MYO18B: variants seen among roughly 807,000 people sequenced by gnomAD.
MYO18B encodes myosin XVIIIB, also known as unconventional myosin-XVIIIb.
In MYO18B, 204 loss-of-function variants were observed where a neutral mutation model predicts 273.0. That is an observed-to-expected ratio of 0.75 (90% CI 0.67 to 0.84). The LOEUF (loss-of-function observed/expected upper bound fraction) is 0.84, where lower values mean the gene tolerates loss of function less well. Among genes scored for constraint, MYO18B ranks in the 40% least tolerant of loss-of-function variants. The pLI, the probability that MYO18B is intolerant of heterozygous loss-of-function variation, is 0.00. For missense variants in MYO18B, 3,212 were observed against 3,287.6 expected (o/e 0.98, Z 0.56); for synonymous variants, 1,330 against 1,305.7 (o/e 1.02, Z -0.40).
At chr22:25,855,935 A>G (rs1162234342) in intron 21 of MYO18B, among the ~76,000 whole-genome samples, 1 of 151,780 alleles carries the variant, frequency 6.6e-6, no homozygotes, top group East Asian at 1.9e-4. Context: ...TAAGTTCATC[A>G]CCCAGGTAAT....
the MYO18B span, among the ~76,000 whole-genome samples, chr22:26,039,108 T>G: frequency 6.6e-6 from 1 of 151,008 alleles, no homozygotes; most frequent in African/African-American, 2.5e-5. Context: ...CTTTTCCATC[T>G]TCTCCTGCCT....
intron 39 of MYO18B, among the ~76,000 whole-genome samples, chr22:25,957,980 T>C (rs1165679075): frequency 1.4e-5 from 2 of 142,800 alleles, no homozygotes; most frequent in Non-Finnish European, 3.0e-5. Context: ...AGTGGCACAA[T>C]CTCAGCTCAC....
At chr22:25,765,302 T>G (rs1363904398) in intron 3 of MYO18B, among the ~76,000 whole-genome samples, 1 of 152,230 alleles carries the variant, frequency 6.6e-6, no homozygotes, top group African/African-American at 2.4e-5. Flanking sequence ...AATTTAATTT[T>G]CTTGTCCCAA....
Position 26,026,383 on chromosome 22 carries a change from C to T in MYO18B, c.6471-62C>T, listed in dbSNP as rs1936240332. On this transcript the variant is annotated intron_variant, in intron 42 of 43. Transcript: ENST00000335473. ...TGCCTGTGCTTAGGGGCTCTCACAC[C>T]GATTGCACAAATTGTATGAATTGCA... is the stretch of plus-strand genomic sequence containing the variant. 11 of 1,535,586 alleles carry T rather than the reference C, an allele frequency of 7.2e-6. No individual in the cohort carries two copies. In the East Asian group the frequency reaches 1.4e-4, roughly 19 times the overall value.
the MYO18B span, among the ~76,000 whole-genome samples, chr22:26,058,663 T>G: frequency 6.6e-6 from 1 of 152,182 alleles, no homozygotes; most frequent in Non-Finnish European, 1.5e-5. Context: ...CATTACTTCC[T>G]GCAAGCGCTG....
Position 25,823,433 on chromosome 22 carries a change from G to T in MYO18B, c.2522-72G>T, listed in dbSNP as rs150439447. 1.1e-3 allele frequency: 1,590 copies of T among 1,484,532 alleles called. 28 individuals are homozygous for T. In the East Asian group the frequency reaches 0.03, roughly 28 times the overall value. The allele number at this position is 1,484,532 out of a possible 1,614,324, so 92.0% of individuals were successfully genotyped here. Reference sequence around the variant, plus strand: ...TTGGGAGGGTGCTGAGATTCTCCGAGGTCCTCTCGGGTGTTCATTCACCCC... The same window carrying T: ...TTGGGAGGGTGCTGAGATTCTCCGATGTCCTCTCGGGTGTTCATTCACCCC... On this transcript the variant is annotated intron_variant, in intron 12 of 43. Transcript: ENST00000335473.
chr22:25,962,406 T>C (rs1483950999), intron 39 of MYO18B, among the ~76,000 whole-genome samples: 2 of 152,366 alleles, frequency 1.3e-5, no homozygotes, highest in African/African-American at 4.8e-5. Context: ...ATAGGGTAGA[T>C]GCTCAGTAAT....
chr22:25,908,491 C>T, intron 32 of MYO18B, 59 bp downstream of exon 32: 2 of 1,418,142 alleles, frequency 1.4e-6, no homozygotes, highest in African/African-American at 1.4e-5. Flanking sequence ...GCATGGATTC[C>T]CTCTTCCTTA....
intron 42 of MYO18B, among the ~76,000 whole-genome samples, chr22:26,017,539 A>C (rs1005103434): frequency 1.3e-5 from 2 of 152,204 alleles, no homozygotes; most frequent in African/African-American, 4.8e-5. Context: ...TAACAAATCC[A>C]TAACATTATC....
At chr22:25,972,361 A>G (rs2093044650) in intron 39 of MYO18B, among the ~76,000 whole-genome samples, 1 of 152,116 alleles carries the variant, frequency 6.6e-6, no homozygotes, top group Non-Finnish European at 1.5e-5. Context: ...ACTTGTTATT[A>G]TTACTTATAT....
chr22:25,952,307 A>G lies in MYO18B; in HGVS notation c.5854A>G (p.Ile1952Val), dbSNP rs202126120. Reference protein sequence around the residue: ...QEQLQVAQMRIEYLEQSTVDR... With the variant: ...QEQLQVAQMRVEYLEQSTVDR... ...ACAGCTGCAGGTGGCTCAGATGCGCATCGAGTACCTGGAACAGTCCACCGT... is the reference window on the plus strand; with the variant it reads ...ACAGCTGCAGGTGGCTCAGATGCGCGTCGAGTACCTGGAACAGTCCACCGT... The change falls in exon 38 of 44, where the codon ATC (isoleucine) becomes GTC (valine). Residue 1952 changes from isoleucine (I) to valine (V), a missense_variant. Physicochemically the swap from Ile to Val is conservative, Grantham distance 29. Coordinates refer to ENST00000335473, the MANE Select transcript of MYO18B (RefSeq NM_032608.7). 187 of 1,610,706 alleles carry G rather than the reference A, an allele frequency of 1.2e-4. No individual in the cohort carries two copies. Among genetic ancestry groups the G allele is most frequent in the Middle Eastern group, 8.6e-4 (5 of 5,820 alleles).
chr22:25,999,697 C>A (rs1023274885), intron 40 of MYO18B, among the ~76,000 whole-genome samples: 2 of 149,606 alleles, frequency 1.3e-5, no homozygotes, highest in African/African-American at 5.0e-5. Context: ...ACTCTGTCAC[C>A]CAGGCTGGAG....
Position 25,781,729 on chromosome 22 carries a change from T to C in MYO18B, c.2212-5T>C, listed in dbSNP as rs966942240. 1.3e-6 allele frequency: 2 copies of C among 1,540,778 alleles called. No individual in the cohort carries two copies. Among genetic ancestry groups the C allele is most frequent in the African/African-American group, 1.4e-5 (1 of 73,068 alleles). ...TGACTGGGTGCCCCTCTTCTCTCCC[T>C]GCAGACAATGCTTTTGGAGAAGAGC... On this transcript the variant is annotated splice_region_variant and splice_polypyrimidine_tract_variant and intron_variant, in intron 9 of 43. Coordinates refer to ENST00000335473, the MANE Select transcript of MYO18B (RefSeq NM_032608.7).
chr22:25,851,465 C>T lies in MYO18B; in HGVS notation c.3776-5C>T, dbSNP rs1323071724. 3.2e-6 allele frequency: 5 copies of T among 1,550,002 alleles called. No homozygotes were observed. Among genetic ancestry groups the T allele is most frequent in the Admixed American group, 3.9e-5 (2 of 51,178 alleles). ...CTCTTCTCCTGCCTGCTCCTACCTC[C>T]CTAGGCTATGCTGACCACATGGGGC... On this transcript the variant is annotated splice_polypyrimidine_tract_variant and splice_region_variant and intron_variant, in intron 20 of 43. Coordinates refer to ENST00000335473, the MANE Select transcript of MYO18B (RefSeq NM_032608.7).
At chr22:25,847,948 TACACACACACAC>T (rs59375568) in intron 20 of MYO18B, among the ~76,000 whole-genome samples, 14 of 146,174 alleles carry the variant, frequency 9.6e-5, no homozygotes, top group Non-Finnish European at 1.7e-4. Context: ...CACACACACA[TACACACACACAC>T]ACACACACAC....
At chr22:25,902,800 G>T in intron 30 of MYO18B, 64 bp downstream of exon 30, 1 of 1,508,952 alleles carries the variant, frequency 6.6e-7, no homozygotes. Context: ...AAACTGCATC[G>T]TGCACCTGCT....
At chr22:25,903,112 G>A (rs2091971144) in intron 30 of MYO18B, 2 of 223,052 alleles carry the variant, frequency 9.0e-6, no homozygotes, top group South Asian at 1.5e-4. Context: ...GCCTCACTCA[G>A]CTGCTCCTCA....
At chr22:26,041,835 G>A in the MYO18B span, among the ~76,000 whole-genome samples, 2 of 152,250 alleles carry the variant, frequency 1.3e-5, no homozygotes, top group African/African-American at 4.8e-5. Flanking sequence ...AGAAATGAGG[G>A]CCTGTTCTCT....
At chr22:25,992,921 G>A (rs982564532) in intron 40 of MYO18B, among the ~76,000 whole-genome samples, 2 of 152,228 alleles carry the variant, frequency 1.3e-5, no homozygotes, top group Admixed American at 6.5e-5. Flanking sequence ...TCTTAGGGCT[G>A]TTGTTGAGAG....
Sources: gnomAD v4.1 joint callset for allele counts (sites outside exome capture counted in the v4.1 genomes callset) on GRCh38, gnomAD v4.1.1 for gene constraint, MANE v1.5 for transcripts, NCBI Gene and HGNC (gene_info 2026-07-23, HGNC 2026-07-21) for gene names.